SMPDL3B: variants seen among roughly 807,000 people sequenced by gnomAD.
SMPDL3B encodes the protein acid sphingomyelinase-like phosphodiesterase 3b.
Under a neutral mutation model 37.9 loss-of-function variants are expected in SMPDL3B, and 31 were observed. The ratio of observed to expected loss-of-function variants is 0.82; its 90% CI spans 0.61 to 1.10. SMPDL3B has a LOEUF of 1.10. Ranked by LOEUF, SMPDL3B falls within the 50% of genes least tolerant of loss-of-function variation. The probability of loss-of-function intolerance (pLI) is 0.00; values close to 1 mark genes in which losing one functional copy is unlikely to be tolerated. For synonymous variants in SMPDL3B, 235 were observed against 242.6 expected, an observed-to-expected ratio of 0.97 and a Z score of 0.29; for missense variants, 525 against 597.8, an observed-to-expected ratio of 0.88 and a Z score of 1.27.
chr1:27,945,417 C>G lies in SMPDL3B; in HGVS notation c.247C>G (p.Pro83Ala). Residue 83 changes from proline to alanine, a missense_variant, in exon 2 of 8, where the codon CCA becomes GCA. Physicochemically the swap from Pro to Ala is conservative, Grantham distance 27 (BLOSUM62 -1). Coordinates refer to ENST00000373894, the MANE Select transcript of SMPDL3B (RefSeq NM_014474.4). The surrounding 1 kb of genome is among the most constrained non-coding windows in gnomAD (Gnocchi z 4.0). Reference sequence around the variant, plus strand: ...CATCTATGCCATGAAGGAGATTGAGCCAGAGCCAGACTTCATTCTCTGGAC... The same window carrying G: ...CATCTATGCCATGAAGGAGATTGAGGCAGAGCCAGACTTCATTCTCTGGAC... ...SSIYAMKEIE[P>A]EPDFILWTGD... 1 of 1,614,096 alleles carries G rather than the reference C, an allele frequency of 6.2e-7. No individual in the cohort carries two copies. The highest frequency in any genetic ancestry group is 8.5e-7 in the Non-Finnish European group (1 of 1,179,972).
Position 27,935,019 on chromosome 1 carries a change from AGG to A in SMPDL3B, c.-164_-163del. 1.7e-6 allele frequency: 1 copy of A among 595,712 alleles called. No homozygotes were observed. The highest frequency in any genetic ancestry group is 3.0e-6 in the Non-Finnish European group (1 of 331,832). 36.9% of individuals were successfully genotyped at this position (595,712 alleles called of 1,614,324 possible). On this transcript the variant is annotated 5_prime_UTR_variant, in exon 1 of 8. Transcript: ENST00000373894. The stretch of plus-strand genomic sequence containing the variant: ...CAGATCATACCCTGCTGGGCAAAGG[AGG>A]AAGAGCCAGAGGATCCAGACGCCTT...
Position 27,935,198 on chromosome 1 carries a change from C to G in SMPDL3B, c.15C>G (p.Ala5=), listed in dbSNP as rs145524169. ...GAGCCCCGAGGATGAGGCTGCTCGC[C>G]TGGCTGATTTTCCTGGCTAACTGGG... MRLL[A]WLIFLANWGG... Residue 5 remains alanine (A), a synonymous_variant, in exon 1 of 8, where the codon GCC becomes GCG. Coordinates refer to ENST00000373894, the MANE Select transcript of SMPDL3B (RefSeq NM_014474.4). 90 of 1,614,022 alleles carry G rather than the reference C, an allele frequency of 5.6e-5. No homozygotes were observed. In the Admixed American group the frequency reaches 8.7e-4, roughly 16 times the overall value.
chr1:27,944,195 C>T (rs144746093), intron 1 of SMPDL3B, among the ~76,000 whole-genome samples: 5 of 152,056 alleles, frequency 3.3e-5, no homozygotes, highest in Middle Eastern at 3.4e-3. Context: ...CCTCAGCAAG[C>T]AGGACCACTC....
chr1:27,956,157 G>A lies in SMPDL3B; in HGVS notation c.1005+75G>A, dbSNP rs577049574. 2.5e-6 allele frequency: 4 copies of A among 1,613,428 alleles called. No individual in the cohort carries two copies. In the South Asian group the frequency reaches 4.4e-5, roughly 18 times the overall value. On this transcript the variant is annotated intron_variant, in intron 7 of 7. Transcript: ENST00000373894. Reference sequence around the variant, plus strand: ...GCATCACCACCTTCCCTCACTCTCAGCTTATCCACCTTCCCCTGACCACTG... The same window carrying A: ...GCATCACCACCTTCCCTCACTCTCAACTTATCCACCTTCCCCTGACCACTG...
chr1:27,958,982 C>A lies in SMPDL3B; in HGVS notation c.*144C>A. The A allele has an allele frequency of 9.8e-7, 1 of 1,018,530 alleles. No individual in the cohort carries two copies. The highest frequency in any genetic ancestry group is 1.4e-6 in the Non-Finnish European group (1 of 720,556). The allele number at this position is 1,018,530 out of a possible 1,614,324, so 63.1% of individuals were successfully genotyped here. A position where few individuals can be genotyped will look rare whatever the true frequency, so the allele number is the denominator to read the frequency against. Reference sequence around the variant, plus strand: ...GAATCAGGAAGCGAAGCCCCAGGAGCTGCAGCCATCCGTGATCGCGCCACT... The same window carrying A: ...GAATCAGGAAGCGAAGCCCCAGGAGATGCAGCCATCCGTGATCGCGCCACT... On this transcript the variant is annotated 3_prime_UTR_variant, in exon 8 of 8. Transcript: ENST00000373894. The surrounding 1 kb of genome is among the most constrained non-coding windows in gnomAD (Gnocchi z 5.6).
intron 2 of SMPDL3B, among the ~76,000 whole-genome samples, chr1:27,947,151 C>T (rs2090416338): frequency 6.6e-6 from 1 of 151,946 alleles, no homozygotes; most frequent in Non-Finnish European, 1.5e-5. Flanking sequence ...ATTCTCCTGC[C>T]TCAGCCTCCC....
At chr1:27,956,772 G>A (rs1638294614) in intron 7 of SMPDL3B, among the ~76,000 whole-genome samples, 1 of 152,180 alleles carries the variant, frequency 6.6e-6, no homozygotes, top group African/African-American at 2.4e-5. Flanking sequence ...ATTAATTATA[G>A]TACTGAGAGA....
Position 27,953,302 on chromosome 1 carries a change from T to G in SMPDL3B, c.461T>G (p.Ile154Arg), listed in dbSNP as rs148814012. 146 of 1,613,930 alleles carry G rather than the reference T, an allele frequency of 9.0e-5. No homozygotes were observed. Among genetic ancestry groups the G allele is most frequent in the Non-Finnish European group, 1.2e-4 (136 of 1,179,826 alleles). Residue 154 changes from isoleucine (I) to arginine (R), a missense_variant, in exon 4 of 8, where the codon ATA (isoleucine) becomes AGA (arginine). Ile to Arg is a moderately conservative substitution (Grantham distance 97). Coordinates refer to ENST00000373894, the MANE Select transcript of SMPDL3B (RefSeq NM_014474.4). ...PAGSNNIYNQ[I>R]AELWKPWLSN... ...GGAAGTAACAACATCTACAATCAGA[T>G]AGCAGAACTATGGAAACCCTGGCTT...
At chr1:27,946,847 T>C (rs1212811683) in intron 2 of SMPDL3B, among the ~76,000 whole-genome samples, 1 of 152,116 alleles carries the variant, frequency 6.6e-6, no homozygotes, top group African/African-American at 2.4e-5. Flanking sequence ...TGACATTGTC[T>C]CAGGAGGGGC....
At chr1:27,954,049 C>T (rs1428775348) in intron 4 of SMPDL3B, among the ~76,000 whole-genome samples, 2 of 152,186 alleles carry the variant, frequency 1.3e-5, no homozygotes. Context: ...AGTGAAGGGT[C>T]GACAGTGGAT....
intron 5 of SMPDL3B, 87 bp from the exon 6 acceptor site, chr1:27,955,597 T>G: frequency 3.0e-6 from 4 of 1,355,170 alleles, no homozygotes; most frequent in Non-Finnish European, 4.1e-6. Flanking sequence ...CTACCTGCCT[T>G]TGGGGCAATT....
chr1:27,955,545 G>A, intron 5 of SMPDL3B, 139 bp from the exon 6 acceptor site: 1 of 785,948 alleles, frequency 1.3e-6, no homozygotes, highest in South Asian at 1.6e-5. Flanking sequence ...GTGGGACATG[G>A]AATCCGGGAG....
chr1:27,939,460 C>A (rs2090337957), intron 1 of SMPDL3B, among the ~76,000 whole-genome samples: 1 of 152,156 alleles, frequency 6.6e-6, no homozygotes, highest in Non-Finnish European at 1.5e-5. Flanking sequence ...TAGGGATCCT[C>A]CTGCCTCAGC....
intron 4 of SMPDL3B, 101 bp from the exon 5 acceptor site, chr1:27,954,253 A>C: frequency 1.8e-6 from 2 of 1,098,192 alleles, no homozygotes; most frequent in African/African-American, 1.6e-5. Context: ...TGGGAGGGGA[A>C]GATGCAACGG....
rs751906442 is a variant in SMPDL3B, at chr1:27,955,844, G to A, written c.851G>A (p.Arg284Gln). The change falls in exon 6 of 8, where the codon CGG (arginine) becomes CAG (glutamine). Residue 284 changes from arginine to glutamine, a missense_variant. By Grantham distance (43) the Arg-to-Gln change is conservative (BLOSUM62 1). Coordinates refer to ENST00000373894, the MANE Select transcript of SMPDL3B (RefSeq NM_014474.4). ...FFGHHHTDSF[R>Q]MLYDDAGVPI... Reference sequence around the variant, plus strand: ...GGGCACCACCACACCGACAGCTTTCGGATGCTCTATGATGATGCAGGTATT... The same window carrying A: ...GGGCACCACCACACCGACAGCTTTCAGATGCTCTATGATGATGCAGGTATT... The A allele has an allele frequency of 1.9e-5, 30 of 1,613,820 alleles. No homozygotes were observed. The Admixed American group carries it at 2.8e-4, about 15-fold the overall frequency.
rs3831926 is a variant in SMPDL3B, at chr1:27,935,147, T to TG, written c.-36dup. ...CTGTGGTGAGAACAACAACAGTGCCTGAGAATCCCACGGCTCTGGGGAAGT... is the reference window on the plus strand; with the variant it reads ...CTGTGGTGAGAACAACAACAGTGCCTGGAGAATCCCACGGCTCTGGGGAAGT... On this transcript the variant is annotated 5_prime_UTR_variant, in exon 1 of 8. Transcript: ENST00000373894. 0.44 allele frequency: 687,233 copies of TG among 1,573,130 alleles called. 154,340 individuals carry two copies. Among genetic ancestry groups the TG allele is most frequent in the South Asian group, 0.56 (50,256 of 90,052 alleles).
chr1:27,949,459 G>A (rs570339379), intron 3 of SMPDL3B, among the ~76,000 whole-genome samples: 3 of 152,322 alleles, frequency 2.0e-5, no homozygotes, highest in Admixed American at 2.0e-4. Context: ...GGTGTCTAGA[G>A]TTGCACACAG....
At position 27,954,473 on chromosome 1, in the gene SMPDL3B, C is replaced by T. The variant is rs771247158; in HGVS notation, c.637C>T (p.Gln213Ter). 21 of 1,613,940 alleles carry T rather than the reference C, an allele frequency of 1.3e-5. No individual in the cohort carries two copies. In the South Asian group the frequency reaches 1.8e-4, roughly 13 times the overall value. ...AGCAGACATGGCGGACCCTGGCCAGCAGTTCCAGTGGCTGGAAGATGTGCT... is the reference window on the plus strand; with the variant it reads ...AGCAGACATGGCGGACCCTGGCCAGTAGTTCCAGTGGCTGGAAGATGTGCT... ...LTADMADPGQ[Q>*]FQWLEDVLTD... Residue 213 changes from glutamine to a stop codon, truncating the protein, a stop_gained, in exon 5 of 8, where the codon CAG becomes TAG. Transcript: ENST00000373894. LOFTEE classifies it high-confidence loss of function.
intron 1 of SMPDL3B, among the ~76,000 whole-genome samples, chr1:27,937,195 C>A (rs1254064325): frequency 6.6e-6 from 1 of 152,224 alleles, no homozygotes; most frequent in Non-Finnish European, 1.5e-5. Context: ...CTTTCCTTAG[C>A]CAGGAGCTTG....
Sources: allele counts gnomAD v4.1 joint callset (sites outside exome capture counted in the v4.1 genomes callset), GRCh38; gene constraint gnomAD v4.1.1; non-coding constraint Gnocchi (gnomAD v3.1); transcripts MANE v1.5; gene names NCBI Gene and HGNC (gene_info 2026-07-23, HGNC 2026-07-21).